Variants in VEZT observed in about 807,000 individuals in gnomAD.
VEZT encodes vezatin.
In VEZT, 39 loss-of-function variants were observed where a neutral mutation model predicts 79.9. That is an observed-to-expected ratio of 0.49 (90% CI 0.38 to 0.64). The LOEUF (loss-of-function observed/expected upper bound fraction) is 0.64. Among genes scored for constraint, VEZT ranks in the 30% least tolerant of loss-of-function variants. The pLI, the probability that VEZT is intolerant of heterozygous loss-of-function variation, is 0.00. For missense variants in VEZT, 837 were observed against 893.1 expected, an observed-to-expected ratio of 0.94 and a Z score of 0.80; for synonymous variants, 325 against 327.6, an observed-to-expected ratio of 0.99 and a Z score of 0.09.
chr12:95,221,658 C>A (rs572748097), intron 1 of VEZT, among the ~76,000 whole-genome samples: 14 of 150,192 alleles, frequency 9.3e-5, no homozygotes, highest in Admixed American at 8.0e-4. Flanking sequence ...GCCTGGTCAA[C>A]ATTAACAAAA....
Position 95,262,997 on chromosome 12 carries a change from C to G in VEZT, c.350C>G (p.Pro117Arg). Reference sequence around the variant, plus strand: ...GTGGAGCTGATTGAGCTACTTGATCCCAGTATCCTGTCTGCAGGGCAATCT... The same window carrying G: ...GTGGAGCTGATTGAGCTACTTGATCGCAGTATCCTGTCTGCAGGGCAATCT... ...EDVELIELLD[P>R]SILSAGQSQQ... is the part of the protein sequence containing the mutation. The change falls in exon 4 of 12, where the codon CCC becomes CGC. Residue 117 changes from proline to arginine, a missense_variant. By Grantham distance (103) the Pro-to-Arg change is moderately radical. Coordinates refer to ENST00000436874, the MANE Select transcript of VEZT (RefSeq NM_017599.4). 6.2e-7 allele frequency: 1 copy of G among 1,613,576 alleles called. No individual in the cohort carries two copies. Among genetic ancestry groups the G allele is most frequent in the Non-Finnish European group, 8.5e-7 (1 of 1,179,588 alleles).
At chr12:95,275,211 A>ATGGTTC (rs2067402312) in intron 7 of VEZT, among the ~76,000 whole-genome samples, 1 of 152,272 alleles carries the variant, frequency 6.6e-6, no homozygotes, top group Non-Finnish European at 1.5e-5. Context: ...TGTTTCAACA[A>ATGGTTC]ACATGGATAA....
At chr12:95,295,709 C>T (rs777983176) in intron 10 of VEZT, among the ~76,000 whole-genome samples, 9 of 152,186 alleles carry the variant, frequency 5.9e-5, no homozygotes, top group Non-Finnish European at 7.3e-5. Context: ...GACCACCTCC[C>T]CAAAGTGCCA....
At chr12:95,256,539 A>G in intron 2 of VEZT, 3 of 1,271,536 alleles carry the variant, frequency 2.4e-6, no homozygotes, top group Non-Finnish European at 3.1e-6. Context: ...TTTTCCCATG[A>G]CCCTTTGCAG....
chr12:95,246,146 G>A (rs931181827), intron 1 of VEZT, among the ~76,000 whole-genome samples: 11 of 150,694 alleles, frequency 7.3e-5, no homozygotes, highest in East Asian at 1.9e-4. Flanking sequence ...TTTTTGAGAC[G>A]GAGTCTCGCT....
At chr12:95,279,927 T>G (rs562028473) in intron 7 of VEZT, among the ~76,000 whole-genome samples, 2 of 152,306 alleles carry the variant, frequency 1.3e-5, no homozygotes, top group South Asian at 4.1e-4. Flanking sequence ...CCAACTTGAT[T>G]CTTGCAGTTA....
intron 1 of VEZT, among the ~76,000 whole-genome samples, chr12:95,240,073 G>GAAGGAAGGAAGGAAGGAAGGAAGA (rs1491323550): frequency 8.1e-5 from 8 of 98,902 alleles, no homozygotes; most frequent in South Asian, 3.0e-4. Flanking sequence ...AGGAAGGAAG[G>GAAGGAAGGAAGGAAGGAAGGAAGA]AAGAAAAGAA....
intron 1 of VEZT, among the ~76,000 whole-genome samples, chr12:95,224,613 T>C (rs1180136266): frequency 6.6e-6 from 1 of 152,180 alleles, no homozygotes; most frequent in Non-Finnish European, 1.5e-5. Context: ...TCAACTTAGA[T>C]CTCAGGCCAC....
At chr12:95,264,100 A>G (rs1332730689) in intron 4 of VEZT, among the ~76,000 whole-genome samples, 2 of 152,256 alleles carry the variant, frequency 1.3e-5, no homozygotes, top group African/African-American at 4.8e-5. Context: ...ATAGGCAGTT[A>G]CATTCATTGG....
At chr12:95,242,561 C>T (rs1374528206) in intron 1 of VEZT, among the ~76,000 whole-genome samples, 2 of 152,038 alleles carry the variant, frequency 1.3e-5, no homozygotes, top group South Asian at 2.1e-4. Flanking sequence ...GCTGGGACTA[C>T]GTGTGGAGTG....
chr12:95,257,365 A>G, intron 3 of VEZT, 126 bp downstream of exon 3: 2 of 715,120 alleles, frequency 2.8e-6, no homozygotes, highest in African/African-American at 1.8e-5. Flanking sequence ...TTCTGCAGTA[A>G]CTCAGGATCT....
chr12:95,241,885 T>C (rs1283292184), intron 1 of VEZT, among the ~76,000 whole-genome samples: 1 of 152,204 alleles, frequency 6.6e-6, no homozygotes, highest in South Asian at 2.1e-4. Flanking sequence ...TAGACACTTA[T>C]TTGTGCCTCC....
intron 1 of VEZT, among the ~76,000 whole-genome samples, chr12:95,233,837 A>C (rs553868251): frequency 2.0e-5 from 3 of 152,216 alleles, no homozygotes; most frequent in Admixed American, 2.0e-4. Flanking sequence ...TTAAAACACA[A>C]ATGGGGTTTT....
At chr12:95,230,832 T>A (rs2059179770) in intron 1 of VEZT, among the ~76,000 whole-genome samples, 1 of 152,152 alleles carries the variant, frequency 6.6e-6, no homozygotes. Context: ...TCAAATAATA[T>A]TTAAAGTAGC....
intron 1 of VEZT, among the ~76,000 whole-genome samples, chr12:95,243,361 C>CAA (rs34891631): frequency 1.2e-4 from 9 of 73,172 alleles, no homozygotes; most frequent in Non-Finnish European, 2.4e-4. Flanking sequence ...GACACCATCT[C>CAA]AAAAAAAAAA....
At chr12:95,236,497 T>C (rs2060212825) in intron 1 of VEZT, among the ~76,000 whole-genome samples, 1 of 151,914 alleles carries the variant, frequency 6.6e-6, no homozygotes, top group South Asian at 2.1e-4. Flanking sequence ...TAGAGTACCA[T>C]TGTTTCTGTA....
At chr12:95,274,531 C>G (rs978076565) in intron 6 of VEZT, among the ~76,000 whole-genome samples, 3 of 152,064 alleles carry the variant, frequency 2.0e-5, no homozygotes, top group Non-Finnish European at 2.9e-5. Context: ...ATTTTTTAGA[C>G]ATTAAAAATT....
At chr12:95,257,937 G>C (rs139443913) in intron 3 of VEZT, among the ~76,000 whole-genome samples, 1 of 152,240 alleles carries the variant, frequency 6.6e-6, no homozygotes, top group East Asian at 1.9e-4. Flanking sequence ...CTTCAGTAAC[G>C]AGAAAACCAA....
chr12:95,287,882 A>G, intron 9 of VEZT, 25 bp downstream of exon 9: 2 of 1,560,024 alleles, frequency 1.3e-6, no homozygotes, highest in African/African-American at 1.4e-5. Flanking sequence ...TTTCTTTGCC[A>G]TATGCTTATC....
Sources: gnomAD v4.1 joint callset for allele counts (sites outside exome capture counted in the v4.1 genomes callset) on GRCh38, gnomAD v4.1.1 for gene constraint, MANE v1.5 for transcripts, NCBI Gene and HGNC (gene_info 2026-07-23, HGNC 2026-07-21) for gene names.